Variants in RNF169 observed in about 807,000 individuals in gnomAD.
The protein encoded by RNF169 is E3 ubiquitin-protein ligase RNF169.
Under a neutral mutation model 53.9 loss-of-function variants are expected in RNF169, and 24 were observed. The observed-to-expected ratio is 0.45, with a 90% CI of 0.32 to 0.63. The LOEUF is 0.63. Ranked by LOEUF, RNF169 falls within the 20% of genes least tolerant of loss-of-function variation. The pLI is 0.04. For synonymous variants in RNF169, 396 were observed against 363.5 expected (o/e 1.09, Z -1.02); for missense variants, 883 against 906.2 (o/e 0.97, Z 0.33).
At chr11:74,818,751 A>ACCCTTAT (rs2035972097) in intron 4 of RNF169, among the ~76,000 whole-genome samples, 3 of 152,020 alleles carry the variant, frequency 2.0e-5, no homozygotes, top group African/African-American at 7.2e-5. Context: ...GGTATTGCTC[A>ACCCTTAT]CCCTTATCTC....
intron 1 of RNF169, among the ~76,000 whole-genome samples, chr11:74,768,072 G>A (rs1277485659): frequency 6.6e-6 from 1 of 152,160 alleles, no homozygotes; most frequent in Non-Finnish European, 1.5e-5. Context: ...GGGTGGATTT[G>A]CTTTCTCAAA....
At chr11:74,785,175 T>TATATATATATGATATATATATG (rs1278577660) in intron 1 of RNF169, among the ~76,000 whole-genome samples, 2 of 66,590 alleles carry the variant, frequency 3.0e-5, no homozygotes, top group Admixed American at 1.4e-4. Context: ...ATATATATGA[T>TATATATATATGATATATATATG]ATATATATAT....
chr11:74,769,331 A>G lies in RNF169; in HGVS notation c.502+19949A>G, dbSNP rs137929140. Among the ~76,000 whole-genome samples, 64 of 152,374 alleles carry G rather than the reference A, an allele frequency of 4.2e-4. No individual in the cohort carries two copies. In the East Asian group the frequency reaches 0.012, roughly 28 times the overall value. On this transcript the variant is annotated intron_variant, in intron 1 of 5. Coordinates refer to ENST00000299563, the MANE Select transcript of RNF169 (RefSeq NM_001098638.2). The stretch of plus-strand genomic sequence containing the variant: ...ACCAGTGATATGCCATCAGACTGCT[A>G]TAATTTGTAATTGATTAATTATAAA...
chr11:74,768,022 A>G (rs2035201060), intron 1 of RNF169, among the ~76,000 whole-genome samples: 1 of 152,158 alleles, frequency 6.6e-6, no homozygotes, highest in Admixed American at 6.6e-5. Flanking sequence ...AAGGATGATT[A>G]GTGGCCAAGA....
Position 74,837,597 on chromosome 11 carries a change from C to T in RNF169, c.*867C>T, listed in dbSNP as rs948791484. 1 of 152,260 alleles carries T rather than the reference C, an allele frequency of 6.6e-6. No homozygotes were observed. The highest frequency in any genetic ancestry group is 1.5e-5 in the Non-Finnish European group (1 of 68,048). 9.4% of individuals were successfully genotyped at this position (152,260 alleles called of 1,614,324 possible). On this transcript the variant is annotated 3_prime_UTR_variant, in exon 6 of 6. Transcript: ENST00000299563. ...AAACATATATGTGCATTATCCCCAT[C>T]CCCCACAGTTTAGAGCCTTCTGCTT...
chr11:74,781,162 T>C (rs2035412181), intron 1 of RNF169, among the ~76,000 whole-genome samples: 1 of 152,208 alleles, frequency 6.6e-6, no homozygotes, highest in South Asian at 2.1e-4. Context: ...AACACTGATC[T>C]CAGTTGGATC....
chr11:74,789,402 T>C (rs2035549897), intron 1 of RNF169, among the ~76,000 whole-genome samples: 1 of 152,234 alleles, frequency 6.6e-6, no homozygotes, highest in African/African-American at 2.4e-5. Context: ...AAAATTAATA[T>C]ATATTTAGAC....
intron 2 of RNF169, among the ~76,000 whole-genome samples, chr11:74,809,093 G>C (rs1235150789): frequency 1.3e-5 from 2 of 151,476 alleles, no homozygotes; most frequent in Non-Finnish European, 2.9e-5. Flanking sequence ...TATTGTTGTG[G>C]GGTTTTTTTT....
intron 2 of RNF169, among the ~76,000 whole-genome samples, chr11:74,797,276 T>C (rs549515): frequency 7.5e-4 from 115 of 152,342 alleles, no homozygotes; most frequent in Middle Eastern, 3.4e-3. Context: ...CCTTGAACTG[T>C]AAAATATTAA....
At chr11:74,828,844 A>T (rs1472644158) in intron 4 of RNF169, among the ~76,000 whole-genome samples, 3 of 152,206 alleles carry the variant, frequency 2.0e-5, no homozygotes, top group Non-Finnish European at 4.4e-5. Context: ...AAATCAACTC[A>T]AGATGAATTA....
chr11:74,761,457 T>G (rs1353121174), intron 1 of RNF169, among the ~76,000 whole-genome samples: 1 of 149,632 alleles, frequency 6.7e-6, no homozygotes, highest in East Asian at 2.0e-4. Flanking sequence ...TACCGGTTGT[T>G]CCTTTCCATG....
intron 1 of RNF169, among the ~76,000 whole-genome samples, chr11:74,769,553 A>G (rs2035229246): frequency 6.6e-6 from 1 of 152,228 alleles, no homozygotes; most frequent in Non-Finnish European, 1.5e-5. Context: ...GCACTGTAGT[A>G]CTAGAAAATG....
chr11:74,794,033 G>T (rs1160840620), intron 2 of RNF169, among the ~76,000 whole-genome samples: 2 of 152,126 alleles, frequency 1.3e-5, no homozygotes, highest in Non-Finnish European at 2.9e-5. Flanking sequence ...TGTGCCCCTA[G>T]TATGTGCTAG....
At chr11:74,774,351 AAAAAAACCC>A (rs1410662866) in intron 1 of RNF169, among the ~76,000 whole-genome samples, 1 of 151,682 alleles carries the variant, frequency 6.6e-6, no homozygotes, top group East Asian at 1.9e-4. Flanking sequence ...GTTTCAAAAA[AAAAAAACCC>A]AAAAAAACAA....
At chr11:74,826,512 CT>C (rs60311630) in intron 4 of RNF169, among the ~76,000 whole-genome samples, 29,911 of 152,056 alleles carry the variant, frequency 0.2, 3,094 homozygotes, top group South Asian at 0.38. Context: ...CATTCCACCC[CT>C]GGCCCCTCCC....
In RNF169 at chr11:74,842,045, T is replaced by G. The variant is rs905362220; in HGVS notation, c.*5315T>G. On this transcript the variant is annotated 3_prime_UTR_variant, in exon 6 of 6. Transcript: ENST00000299563. ...AACCTGATACACTGTTTGTTTACTC[T>G]CAACTCTTTGTACAAATATTATTGT... 6.6e-6 allele frequency: 1 copy of G among 152,124 alleles called. No individual in the cohort carries two copies. The highest frequency in any genetic ancestry group is 6.5e-5 in the Admixed American group (1 of 15,280). 9.4% of individuals were successfully genotyped at this position (152,124 alleles called of 1,614,324 possible). A position where few individuals can be genotyped will look rare whatever the true frequency, so the allele number is the denominator to read the frequency against.
rs1022396675 is a variant in RNF169, at chr11:74,841,548, ACTCT to A, written c.*4824_*4827del. The A allele has an allele frequency of 6.6e-6, 1 of 152,150 alleles. No individual in the cohort carries two copies. Among genetic ancestry groups the A allele is most frequent in the Non-Finnish European group, 1.5e-5 (1 of 68,026 alleles). The allele number at this position is 152,150 out of a possible 1,614,324, so 9.4% of individuals were successfully genotyped here. A position where few individuals can be genotyped will look rare whatever the true frequency, so the allele number is the denominator to read the frequency against. On this transcript the variant is annotated 3_prime_UTR_variant, in exon 6 of 6. Transcript: ENST00000299563. The stretch of plus-strand genomic sequence containing the variant: ...TTTTTTCCTCTTAAGAAAAAAATTT[ACTCT>A]CTCTCCTTTGTGAGTAAATGCCTCC...
intron 2 of RNF169, among the ~76,000 whole-genome samples, chr11:74,806,743 AT>A (rs918024489): frequency 2.6e-5 from 4 of 151,508 alleles, no homozygotes; most frequent in African/African-American, 9.8e-5. Flanking sequence ...AGGTAAAATG[AT>A]TTTTTTTGGT....
intron 1 of RNF169, among the ~76,000 whole-genome samples, chr11:74,762,637 C>G (rs1051175466): frequency 8.0e-5 from 12 of 150,828 alleles, no homozygotes; most frequent in Non-Finnish European, 1.6e-4. Flanking sequence ...TCCGACAATT[C>G]TTTTAAATGC....
Sources: allele counts gnomAD v4.1 joint callset (sites outside exome capture counted in the v4.1 genomes callset), GRCh38; gene constraint gnomAD v4.1.1; transcripts MANE v1.5; gene names NCBI Gene and HGNC (gene_info 2026-07-23, HGNC 2026-07-21).